Variants in KHDRBS2 observed in about 807,000 individuals in gnomAD.
KHDRBS2 encodes the protein KH RNA binding domain containing, signal transduction associated 2.
In KHDRBS2, 26 loss-of-function variants were observed where a neutral mutation model predicts 44.3. That is an observed-to-expected ratio of 0.59 (90% CI 0.43 to 0.81). The LOEUF (loss-of-function observed/expected upper bound fraction) is 0.81. KHDRBS2 is among the 40% of genes least tolerant of loss of function. The probability of loss-of-function intolerance (pLI) is 0.00; values close to 1 mark genes in which losing one functional copy is unlikely to be tolerated. For missense variants in KHDRBS2, 476 were observed against 433.1 expected, an observed-to-expected ratio of 1.10 and a Z score of -0.88; for synonymous variants, 194 against 151.1, an observed-to-expected ratio of 1.28 and a Z score of -2.08.
At chr6:61,557,886 G>A in the KHDRBS2 span, among the ~76,000 whole-genome samples, 1 of 152,012 alleles carries the variant, frequency 6.6e-6, no homozygotes, top group African/African-American at 2.4e-5. Flanking sequence ...ATGTGTCTCG[G>A]AATTTTTCCA....
the KHDRBS2 span, among the ~76,000 whole-genome samples, chr6:61,654,835 G>A: frequency 6.6e-6 from 1 of 151,578 alleles, no homozygotes; most frequent in Admixed American, 6.6e-5. Context: ...AACTTGAGTC[G>A]TGAGAGGCAG....
At chr6:61,578,761 C>T in the KHDRBS2 span, among the ~76,000 whole-genome samples, 26 of 152,000 alleles carry the variant, frequency 1.7e-4, no homozygotes, top group Non-Finnish European at 3.4e-4. Context: ...ACTATCTTCA[C>T]CAATTAAATA....
chr6:62,047,745 A>G, intron 3 of KHDRBS2, 133 bp downstream of exon 3: 1 of 672,332 alleles, frequency 1.5e-6, no homozygotes, highest in East Asian at 2.5e-5. Flanking sequence ...GCAGAAAGTG[A>G]CACAGGGTGA....
chr6:61,809,117 T>C (rs1291608190), intron 6 of KHDRBS2, among the ~76,000 whole-genome samples: 4 of 152,020 alleles, frequency 2.6e-5, no homozygotes, highest in African/African-American at 9.7e-5. Context: ...CATGCAATGG[T>C]ATCACATCTA....
At chr6:61,674,052 T>A in the KHDRBS2 span, among the ~76,000 whole-genome samples, 1 of 151,688 alleles carries the variant, frequency 6.6e-6, no homozygotes. Flanking sequence ...GTTGCTTTCA[T>A]GCTTATTTAA....
the KHDRBS2 span, among the ~76,000 whole-genome samples, chr6:61,621,187 A>T: frequency 6.6e-6 from 1 of 152,190 alleles, no homozygotes; most frequent in Non-Finnish European, 1.5e-5. Flanking sequence ...ATGGAGGCCT[A>T]ATTGCTGAAA....
At chr6:61,736,676 T>C (rs1355593653) in intron 6 of KHDRBS2, among the ~76,000 whole-genome samples, 1 of 152,054 alleles carries the variant, frequency 6.6e-6, no homozygotes, top group Admixed American at 6.6e-5. Context: ...TAGGTACTTG[T>C]CTTCAGGGCT....
chr6:61,781,294 G>A (rs919054336), intron 6 of KHDRBS2, among the ~76,000 whole-genome samples: 1 of 152,082 alleles, frequency 6.6e-6, no homozygotes, highest in Admixed American at 6.6e-5. Flanking sequence ...CAAAATAACT[G>A]ATAAAGTTAA....
intron 2 of KHDRBS2, among the ~76,000 whole-genome samples, chr6:62,075,347 G>T (rs559119597): frequency 2.0e-5 from 3 of 151,996 alleles, no homozygotes; most frequent in East Asian, 2.0e-4. Context: ...GCTAGACAAA[G>T]AATTTGCTGG....
intron 8 of KHDRBS2, among the ~76,000 whole-genome samples, chr6:61,694,745 G>A (rs1365830484): frequency 1.3e-5 from 2 of 152,064 alleles, no homozygotes; most frequent in South Asian, 2.1e-4. Flanking sequence ...TAATGCCTTT[G>A]ACCCCTTCCT....
chr6:61,731,768 G>A (rs1774494230), intron 7 of KHDRBS2, among the ~76,000 whole-genome samples: 2 of 151,968 alleles, frequency 1.3e-5, no homozygotes, highest in African/African-American at 4.8e-5. Flanking sequence ...GTATTTTCCT[G>A]TGAAATTTGT....
chr6:61,919,791 T>C (rs1807700653), intron 4 of KHDRBS2, among the ~76,000 whole-genome samples: 2 of 151,896 alleles, frequency 1.3e-5, no homozygotes, highest in African/African-American at 4.8e-5. Context: ...CTGGTTGGCA[T>C]ACATAAGCAA....
the KHDRBS2 span, among the ~76,000 whole-genome samples, chr6:61,643,171 C>G: frequency 1.3e-5 from 2 of 152,046 alleles, no homozygotes; most frequent in Admixed American, 1.3e-4. Flanking sequence ...AAATATCAAG[C>G]AAATTCTGTA....
intron 4 of KHDRBS2, among the ~76,000 whole-genome samples, chr6:61,963,019 A>G (rs1468983983): frequency 1.3e-5 from 2 of 152,064 alleles, no homozygotes; most frequent in African/African-American, 4.8e-5. Flanking sequence ...TATTTCTCAC[A>G]CTGACAGCAG....
chr6:61,935,917 T>C (rs1810932759), intron 4 of KHDRBS2, among the ~76,000 whole-genome samples: 2 of 152,122 alleles, frequency 1.3e-5, no homozygotes, highest in South Asian at 2.1e-4. Flanking sequence ...ACAATAATAA[T>C]GTTAAAATGG....
intron 4 of KHDRBS2, among the ~76,000 whole-genome samples, chr6:61,967,361 A>T (rs1184634676): frequency 6.6e-6 from 1 of 152,170 alleles, no homozygotes. Flanking sequence ...AGTGCTTGGA[A>T]ATGTAAGCCA....
At chr6:62,071,990 A>G (rs1301034462) in intron 2 of KHDRBS2, among the ~76,000 whole-genome samples, 2 of 152,096 alleles carry the variant, frequency 1.3e-5, no homozygotes, top group Non-Finnish European at 1.5e-5. Flanking sequence ...ATGTTCTTCC[A>G]TTTGTTTGTA....
the KHDRBS2 span, among the ~76,000 whole-genome samples, chr6:61,594,016 A>G: frequency 1.3e-5 from 2 of 152,096 alleles, no homozygotes; most frequent in Non-Finnish European, 1.5e-5. Flanking sequence ...TTGTAATAAA[A>G]GAAAAAATAT....
intron 4 of KHDRBS2, among the ~76,000 whole-genome samples, chr6:61,945,797 A>G (rs753081411): frequency 2.0e-5 from 3 of 152,164 alleles, no homozygotes; most frequent in Non-Finnish European, 4.4e-5. Context: ...GATTCCTAAA[A>G]TAGTAACATC....
Sources: gnomAD v4.1 joint callset for allele counts (sites outside exome capture counted in the v4.1 genomes callset) on GRCh38, gnomAD v4.1.1 for gene constraint, MANE v1.5 for transcripts, NCBI Gene and HGNC (gene_info 2026-07-23, HGNC 2026-07-21) for gene names.